CCDC78: variants seen among roughly 807,000 people sequenced by gnomAD.
CCDC78 encodes the protein coiled-coil domain-containing protein 78.
Under a neutral mutation model 61.9 loss-of-function variants are expected in CCDC78, and 78 were observed. The ratio of observed to expected loss-of-function variants is 1.26; its 90% CI spans 1.05 to 1.52. The LOEUF (loss-of-function observed/expected upper bound fraction) is 1.52, where lower values mean the gene tolerates loss of function less well. Ranked by LOEUF, CCDC78 falls within the 40% of genes most tolerant of loss-of-function variation. The pLI is 0.00. For synonymous variants in CCDC78, 287 were observed against 251.9 expected (o/e 1.14, Z -1.32); for missense variants, 737 against 615.5 (o/e 1.20, Z -2.09).
chr16:724,193 GT>G lies in CCDC78; in HGVS notation c.965del (p.Asn322ThrfsTer8). ...ELLVAYRAPG[N>X]PQAIFDIASL... ...TGGCTATGTCAAAAATAGCTTGGGGGTTCCCAGGTGCCCTGTCAGGGTAGGC... is the reference window on the plus strand; with the variant it reads ...TGGCTATGTCAAAAATAGCTTGGGGGTCCCAGGTGCCCTGTCAGGGTAGGC... On this transcript the variant is annotated frameshift_variant, in exon 10 of 14. Transcript: ENST00000345165. LOFTEE classifies it high-confidence loss of function. The G allele has an allele frequency of 1.9e-6, 3 of 1,597,390 alleles. No homozygotes were observed. The highest frequency in any genetic ancestry group is 4.5e-5 in the East Asian group (2 of 44,714).
Position 722,689 on chromosome 16 carries a change from CGGTCCTTGGATGCTGG to C in CCDC78, c.1386_1401del (p.Gln463AlafsTer28). On this transcript the variant is annotated frameshift_variant, in exon 14 of 14. Coordinates refer to ENST00000345165, the MANE Select transcript of CCDC78 (RefSeq NM_001378030.1). LOFTEE classifies it high-confidence loss of function. Reference sequence around the variant, plus strand: ...CCTTGGGAGACGGCCTAGTGGCTGCCGGTCCTTGGATGCTGGGGCTTGGCTGGAGGCACAGCCCCCA... The same window carrying C: ...CCTTGGGAGACGGCCTAGTGGCTGCCGGCTTGGCTGGAGGCACAGCCCCCA... The C allele has an allele frequency of 6.2e-7, 1 of 1,607,156 alleles. No individual in the cohort carries two copies. Among genetic ancestry groups the C allele is most frequent in the Non-Finnish European group, 8.5e-7 (1 of 1,179,782 alleles).
rs568871697 is a variant in CCDC78 at position 723,856 on chromosome 16, C to G, written c.1133+1G>C. The G allele has an allele frequency of 1.1e-4, 182 of 1,583,776 alleles. 3 individuals carry two copies. The East Asian group carries it at 4.2e-3, about 36-fold the overall frequency. On this transcript the variant is annotated splice_donor_variant, in intron 11 of 13. Transcript: ENST00000345165. LOFTEE classifies it high-confidence loss of function. Reference sequence around the variant, plus strand: ...TCCCCCACACCCATGAGGGCACTCACTGTGGCTCTGATGTTCCCCCCTGGG... The same window carrying G: ...TCCCCCACACCCATGAGGGCACTCAGTGTGGCTCTGATGTTCCCCCCTGGG...
At chr16:723,404 C>T (rs1388495880) in intron 11 of CCDC78, 2 of 699,288 alleles carry the variant, frequency 2.9e-6, no homozygotes, top group Admixed American at 2.0e-5. Flanking sequence ...ACCACAAGGC[C>T]AGCCCAGACA....
intron 11 of CCDC78, 67 bp downstream of exon 11, chr16:723,790 A>T: frequency 3.4e-6 from 5 of 1,464,934 alleles, no homozygotes; most frequent in Non-Finnish European, 4.7e-6. Flanking sequence ...TGGGGGCCCC[A>T]GGGTGCAGGC....
chr16:724,206 C>T lies in CCDC78; in HGVS notation c.954-1G>A, dbSNP rs748200026. 5.6e-6 allele frequency: 9 copies of T among 1,593,010 alleles called. No individual in the cohort carries two copies. Among genetic ancestry groups the T allele is most frequent in the South Asian group, 1.1e-5 (1 of 87,858 alleles). ...AATAGCTTGGGGGTTCCCAGGTGCCCTGTCAGGGTAGGCTAGTGTCTGTCT... is the reference window on the plus strand; with the variant it reads ...AATAGCTTGGGGGTTCCCAGGTGCCTTGTCAGGGTAGGCTAGTGTCTGTCT... On this transcript the variant is annotated splice_acceptor_variant, in intron 9 of 13. Transcript: ENST00000345165. LOFTEE classifies it high-confidence loss of function.
Position 724,222 on chromosome 16 carries a change from G to T in CCDC78, c.954-17C>A. 1 of 1,587,764 alleles carries T rather than the reference G, an allele frequency of 6.3e-7. No homozygotes were observed. The highest frequency in any genetic ancestry group is 1.1e-5 in the South Asian group (1 of 87,080). On this transcript the variant is annotated splice_polypyrimidine_tract_variant and intron_variant, in intron 9 of 13. Coordinates refer to ENST00000345165, the MANE Select transcript of CCDC78 (RefSeq NM_001378030.1). ...CCAGGTGCCCTGTCAGGGTAGGCTA[G>T]TGTCTGTCTGGGGCCACTCCTGCTG...
At chr16:726,558 T>G (rs1024627884), upstream of CCDC78, 3 of 624,140 alleles carry the variant, frequency 4.8e-6, no homozygotes, top group African/African-American at 5.6e-5. Flanking sequence ...GCTCTTCCTC[T>G]CTCCATGCCT....
rs779069240 is a variant in CCDC78, at chr16:724,982, G to A, written c.568C>T (p.Leu190=). The change falls in exon 7 of 14, where the codon CTG becomes TTG. Residue 190 remains leucine, a synonymous_variant. Transcript: ENST00000345165. ...QQALVTRVAT[L]GRQLQGAREE... Reference sequence around the variant, plus strand: ...CGGGCTCCCTGCAGCTGCCGGCCCAGGGTTGCCCTGAAGACACGGGGGTGA... The same window carrying A: ...CGGGCTCCCTGCAGCTGCCGGCCCAAGGTTGCCCTGAAGACACGGGGGTGA... The A allele has an allele frequency of 6.2e-7, 1 of 1,612,038 alleles. No individual in the cohort carries two copies. The highest frequency in any genetic ancestry group is 1.7e-5 in the Admixed American group (1 of 59,918).
Position 722,732 on chromosome 16 carries a change from T to C in CCDC78, c.1359A>G (p.Lys453=). ...GCTTGGCTGGAGGCACAGCCCCCACTTTCCAGGGGTCCCCTGCACCTGCCA... is the reference window on the plus strand; with the variant it reads ...GCTTGGCTGGAGGCACAGCCCCCACCTTCCAGGGGTCCCCTGCACCTGCCA... ...RKLAGAGDPW[K]VGAVPPAKPQ... is the part of the protein sequence containing the mutation. Residue 453 remains lysine, a synonymous_variant, in exon 14 of 14, where the codon AAA becomes AAG. Transcript: ENST00000345165. 1.9e-6 allele frequency: 3 copies of C among 1,611,610 alleles called. No homozygotes were observed. In the South Asian group the frequency reaches 3.3e-5, roughly 18 times the overall value.
rs1402724210 is a variant in CCDC78 at position 724,124 on chromosome 16, G to A, written c.1035C>T (p.Phe345=). Residue 345 remains phenylalanine, a synonymous_variant, in exon 10 of 14, where the codon TTC becomes TTT. Coordinates refer to ENST00000345165, the MANE Select transcript of CCDC78 (RefSeq NM_001378030.1). Reference sequence around the variant, plus strand: ...GCCTCACCTGGTCCTCCCGATGGCTGAAGTCAGTGACCAGGGGCACGGGCA... The same window carrying A: ...GCCTCACCTGGTCCTCCCGATGGCTAAAGTCAGTGACCAGGGGCACGGGCA... ...EPLPVPLVTD[F]SHREDQHGGP... is the part of the protein sequence containing the mutation. The A allele has an allele frequency of 1.3e-6, 2 of 1,599,510 alleles. No homozygotes were observed. Among genetic ancestry groups the A allele is most frequent in the South Asian group, 1.1e-5 (1 of 89,130 alleles).
At position 725,404 on chromosome 16, in the gene CCDC78, C is replaced by T. The variant is rs777443256; in HGVS notation, c.435+9G>A. 6.2e-7 allele frequency: 1 copy of T among 1,612,430 alleles called. No homozygotes were observed. The highest frequency in any genetic ancestry group is 1.1e-5 in the South Asian group (1 of 91,066). The stretch of plus-strand genomic sequence containing the variant: ...TTCCCAGCCAGGCTCTCCATATGCT[C>T]ATGGTAACCTGGAATCTGTGGTCAT... On this transcript the variant is annotated intron_variant, in intron 4 of 13. Coordinates refer to ENST00000345165, the MANE Select transcript of CCDC78 (RefSeq NM_001378030.1).
In CCDC78 at chr16:722,780, G is replaced by A. The variant is rs775569629; in HGVS notation, c.1311C>T (p.His437=). 3.1e-6 allele frequency: 5 copies of A among 1,612,594 alleles called. No individual in the cohort carries two copies. Among genetic ancestry groups the A allele is most frequent in the African/African-American group, 1.3e-5 (1 of 75,034 alleles). ...CCAGCTTCCTCAGCCTCAGGATTTC[G>A]TGCTTGTACCTGCTCAGAGGAACCA... The part of the protein sequence containing the change: ...YVDQHLGRYK[H]EILRLRKLAG... Residue 437 remains histidine, a synonymous_variant, in exon 14 of 14, where the codon CAC becomes CAT. Coordinates refer to ENST00000345165, the MANE Select transcript of CCDC78 (RefSeq NM_001378030.1).
In CCDC78 at chr16:726,195, C is replaced by T. The variant is rs369879153; in HGVS notation, c.61-110G>A. Reference sequence around the variant, plus strand: ...CCTGCCTGGCTGAGCTGTAAAAGTCCCTCTCCTGGCTGAAATTAGGCCCAG... The same window carrying T: ...CCTGCCTGGCTGAGCTGTAAAAGTCTCTCTCCTGGCTGAAATTAGGCCCAG... On this transcript the variant is annotated intron_variant, in intron 1 of 13. Coordinates refer to ENST00000345165, the MANE Select transcript of CCDC78 (RefSeq NM_001378030.1). 4.0e-4 allele frequency: 616 copies of T among 1,550,372 alleles called. 2 individuals are homozygous for T. The African/African-American group carries it at 7.7e-3, about 20-fold the overall frequency.
chr16:725,617 G>A (rs373774821), intron 3 of CCDC78, 37 bp from the exon 4 acceptor site: 72 of 1,593,278 alleles, frequency 4.5e-5, no homozygotes, highest in African/African-American at 2.1e-4. Flanking sequence ...GCACCTGCCC[G>A]CGGGCCACCT....
In CCDC78 at chr16:724,739, A is replaced by G. The variant is rs1352546137; in HGVS notation, c.707T>C (p.Leu236Pro). The change falls in exon 8 of 14, where the codon CTC becomes CCC. Residue 236 changes from leucine to proline, a missense_variant. Coordinates refer to ENST00000345165, the MANE Select transcript of CCDC78 (RefSeq NM_001378030.1). ...GACGTACTCATCCTTCAGTTTCTTGAGCTGCAGCTGCAGCCGGGCATTTTC... is the reference window on the plus strand; with the variant it reads ...GACGTACTCATCCTTCAGTTTCTTGGGCTGCAGCTGCAGCCGGGCATTTTC... ...EAENARLQLQ[L>P]KKLKDEYVLR... 25 of 1,611,934 alleles carry G rather than the reference A, an allele frequency of 1.6e-5. No individual in the cohort carries two copies. Among genetic ancestry groups the G allele is most frequent in the African/African-American group, 2.7e-5 (2 of 74,906 alleles).
rs1567324369 is a variant in CCDC78 at position 725,537 on chromosome 16, C to T, written c.311G>A (p.Gly104Glu). ...ESRVLELELR[G>E]DGTSQGCAVP... ...TGCACAGCCCTGGCTGGTGCCATCT[C>T]CTCGCAGCTCCAGCTCCAGTACCCG... Residue 104 changes from glycine to glutamate, a missense_variant, in exon 4 of 14, where the codon GGA (glycine) becomes GAA (glutamate). Transcript: ENST00000345165. 1 of 1,611,882 alleles carries T rather than the reference C, an allele frequency of 6.2e-7. No individual in the cohort carries two copies. Among genetic ancestry groups the T allele is most frequent in the Non-Finnish European group, 8.5e-7 (1 of 1,179,744 alleles).
Position 722,591 on chromosome 16 carries a change from T to C in CCDC78, c.*87A>G, listed in dbSNP as rs1363355067. The C allele has an allele frequency of 2.3e-6, 2 of 887,708 alleles. No individual in the cohort carries two copies. The highest frequency in any genetic ancestry group is 4.1e-5 in the Admixed American group (2 of 48,472). The allele number at this position is 887,708 out of a possible 1,614,324, so 55.0% of individuals were successfully genotyped here. A position where few individuals can be genotyped will look rare whatever the true frequency, so the allele number is the denominator to read the frequency against. ...CACGATAAAGACTCTGTGGGTTCTATCCTGACTCATGTTTTATGGGGGGCT... is the reference window on the plus strand; with the variant it reads ...CACGATAAAGACTCTGTGGGTTCTACCCTGACTCATGTTTTATGGGGGGCT... On this transcript the variant is annotated 3_prime_UTR_variant, in exon 14 of 14. Coordinates refer to ENST00000345165, the MANE Select transcript of CCDC78 (RefSeq NM_001378030.1).
chr16:725,076 A>C lies in CCDC78; in HGVS notation c.560+2T>G, dbSNP rs2040731585. The C allele has an allele frequency of 6.2e-7, 1 of 1,612,474 alleles. No individual in the cohort carries two copies. The highest frequency in any genetic ancestry group is 1.3e-5 in the African/African-American group (1 of 74,916). On this transcript the variant is annotated splice_donor_variant, in intron 6 of 13. Coordinates refer to ENST00000345165, the MANE Select transcript of CCDC78 (RefSeq NM_001378030.1). LOFTEE classifies it high-confidence loss of function. ...GGGGCCCCAGGTGAGATGGCCACTC[A>C]CACACGCGTCACCAGTGCCTGCTGC...
chr16:724,696 G>T lies in CCDC78; in HGVS notation c.750C>A (p.Cys250Ter). ...KDEYVLRLQHCAWQAVEHADG... is the reference protein window; with the variant it reads ...KDEYVLRLQH ...CAGGGCTCACCACTGCCTGCCAGGC[G>T]CAGTGTTGCAGCCGTAGGACGTACT... The change falls in exon 8 of 14, where the codon TGC becomes TGA. Residue 250 changes from cysteine to a stop codon, truncating the protein, a stop_gained. Transcript: ENST00000345165. LOFTEE classifies it high-confidence loss of function. 6.2e-7 allele frequency: 1 copy of T among 1,611,140 alleles called. No individual in the cohort carries two copies. The highest frequency in any genetic ancestry group is 1.3e-5 in the African/African-American group (1 of 75,026).
Sources: gnomAD v4.1 joint callset for allele counts on GRCh38, gnomAD v4.1.1 for gene constraint, MANE v1.5 for transcripts, NCBI Gene and HGNC (gene_info 2026-07-23, HGNC 2026-07-21) for gene names.